The following SPATS2L variants were observed in gnomAD, a reference collection of about 807,000 sequenced individuals.
SPATS2L encodes the protein SPATS2-like protein.
A neutral mutation model predicts 59.6 loss-of-function variants in SPATS2L; 30 were observed. The observed-to-expected ratio is 0.50, with a 90% CI of 0.38 to 0.68. The LOEUF (loss-of-function observed/expected upper bound fraction) is 0.68, where lower values mean the gene tolerates loss of function less well. Among genes scored for constraint, SPATS2L ranks in the 30% least tolerant of loss-of-function variants. SPATS2L has a pLI of 0.00. For synonymous variants in SPATS2L, 252 were observed against 263.5 expected (o/e 0.96, Z 0.42); for missense variants, 615 against 700.0 (o/e 0.88, Z 1.37).
Position 200,306,788 on chromosome 2 carries a change from G to C in SPATS2L, c.-207G>C. ...GCGGGGCGAGCTCCGGACGGCGCGCGGCCCAGGCAGCGGCTCCCGCTCGGC... is the reference window on the plus strand; with the variant it reads ...GCGGGGCGAGCTCCGGACGGCGCGCCGCCCAGGCAGCGGCTCCCGCTCGGC... On this transcript the variant is annotated 5_prime_UTR_variant, in exon 1 of 13. Transcript: ENST00000409140. 1.0e-6 allele frequency: 1 copy of C among 981,300 alleles called. No individual in the cohort carries two copies. The highest frequency in any genetic ancestry group is 1.2e-6 in the Non-Finnish European group (1 of 828,092). The allele number at this position is 981,300 out of a possible 1,614,324, so 60.8% of individuals were successfully genotyped here. A position where few individuals can be genotyped will look rare whatever the true frequency, so the allele number is the denominator to read the frequency against.
At chr2:200,369,190 G>A (rs771747974) in intron 2 of SPATS2L, among the ~76,000 whole-genome samples, 43 of 151,774 alleles carry the variant, frequency 2.8e-4, no homozygotes, top group African/African-American at 9.9e-4. Context: ...ACAGAGACTC[G>A]CTTTGTCACC....
intron 2 of SPATS2L, among the ~76,000 whole-genome samples, chr2:200,387,512 G>T (rs984652030): frequency 6.0e-4 from 91 of 152,322 alleles, no homozygotes; most frequent in Middle Eastern, 3.4e-3. Flanking sequence ...AGAATAATTT[G>T]AGTAGTAATA....
chr2:200,403,923 A>G (rs2082610635), intron 3 of SPATS2L, among the ~76,000 whole-genome samples: 1 of 152,120 alleles, frequency 6.6e-6, no homozygotes, highest in Admixed American at 6.5e-5. Context: ...TAAAACTCTC[A>G]CGCAGAGGAA....
At chr2:200,426,807 T>C (rs958445358) in intron 6 of SPATS2L, among the ~76,000 whole-genome samples, 2 of 152,246 alleles carry the variant, frequency 1.3e-5, no homozygotes, top group African/African-American at 2.4e-5. Context: ...TTGGTATTAA[T>C]TCCCATTTAC....
chr2:200,340,162 C>T (rs1377290176), intron 2 of SPATS2L, among the ~76,000 whole-genome samples: 1 of 152,216 alleles, frequency 6.6e-6, no homozygotes, highest in Admixed American at 6.5e-5. Context: ...GCTGAGCAAT[C>T]GCTCATCCTT....
intron 11 of SPATS2L, among the ~76,000 whole-genome samples, 194 bp from the exon 12 acceptor site, chr2:200,472,638 T>C (rs1048024836): frequency 3.9e-5 from 6 of 152,238 alleles, no homozygotes; most frequent in African/African-American, 1.4e-4. Context: ...AGTTCAGTGA[T>C]TCCCACAAAA....
chr2:200,463,679 C>T (rs1299688841), intron 9 of SPATS2L, among the ~76,000 whole-genome samples: 1 of 152,142 alleles, frequency 6.6e-6, no homozygotes, highest in African/African-American at 2.4e-5. Flanking sequence ...TGTTTATACC[C>T]ACATAAGCAC....
intron 2 of SPATS2L, among the ~76,000 whole-genome samples, chr2:200,362,922 C>T (rs1574496303): frequency 6.6e-6 from 1 of 152,136 alleles, no homozygotes; most frequent in East Asian, 1.9e-4. Flanking sequence ...AAGCCTAACC[C>T]CCAGGAATAT....
At chr2:200,317,084 G>A (rs967963870) in intron 1 of SPATS2L, among the ~76,000 whole-genome samples, 1 of 152,104 alleles carries the variant, frequency 6.6e-6, no homozygotes. Flanking sequence ...TTTATGTTGT[G>A]GTTTCAGAAT....
chr2:200,323,816 G>T (rs2079641106), intron 1 of SPATS2L, among the ~76,000 whole-genome samples: 1 of 152,184 alleles, frequency 6.6e-6, no homozygotes, highest in Non-Finnish European at 1.5e-5. Flanking sequence ...AAGGCTCAGA[G>T]AAAAAGACTA....
chr2:200,477,515 T>TTAAAAAAAAAAAAAAAA (rs2087629300), intron 12 of SPATS2L, 121 bp from the exon 13 acceptor site: 1 of 268,514 alleles, frequency 3.7e-6, no homozygotes, highest in Non-Finnish European at 5.9e-6. Flanking sequence ...TTCTGGTGTA[T>TTAAAAAAAAAAAAAAAA]AAAAAAAAAA....
rs2084527852 is a variant in SPATS2L at position 200,439,345 on chromosome 2, T to C, written c.652+17T>C. 2 of 1,597,296 alleles carry C rather than the reference T, an allele frequency of 1.3e-6. No homozygotes were observed. On this transcript the variant is annotated intron_variant, in intron 7 of 12. Coordinates refer to ENST00000409140, the MANE Select transcript of SPATS2L (RefSeq NM_001100423.2). ...AGAAAAGAGGTAAAGTGATTTCTTTTGCACAAATGATTCAACATATTTTGC... is the reference window on the plus strand; with the variant it reads ...AGAAAAGAGGTAAAGTGATTTCTTTCGCACAAATGATTCAACATATTTTGC...
intron 2 of SPATS2L, among the ~76,000 whole-genome samples, chr2:200,384,411 TG>T (rs1489606282): frequency 1.3e-5 from 2 of 152,218 alleles, no homozygotes; most frequent in African/African-American, 4.8e-5. Flanking sequence ...TGGAGTGCAG[TG>T]GCGCAATCTC....
intron 8 of SPATS2L, among the ~76,000 whole-genome samples, chr2:200,445,986 G>A (rs565756114): frequency 6.6e-6 from 1 of 152,224 alleles, no homozygotes; most frequent in Admixed American, 6.5e-5. Flanking sequence ...AACTCTTAGA[G>A]CTTTATAGTC....
intron 2 of SPATS2L, among the ~76,000 whole-genome samples, chr2:200,379,496 A>G (rs774920329): frequency 1.2e-4 from 18 of 152,230 alleles, no homozygotes; most frequent in Admixed American, 3.3e-4. Context: ...AAATTATAAG[A>G]AAAAACATTG....
chr2:200,396,033 A>AAT (rs1553520465), intron 3 of SPATS2L, among the ~76,000 whole-genome samples: 145 of 21,120 alleles, frequency 6.9e-3, no homozygotes, highest in East Asian at 0.016. Context: ...AAAAAAAAAA[A>AAT]ATATATATAT....
chr2:200,461,897 A>G (rs1403657848), intron 9 of SPATS2L, among the ~76,000 whole-genome samples: 1 of 152,252 alleles, frequency 6.6e-6, no homozygotes, highest in Non-Finnish European at 1.5e-5. Flanking sequence ...AGGCATCTAA[A>G]TAATTGTAAG....
At chr2:200,474,431 AG>A (rs1248874103) in intron 12 of SPATS2L, among the ~76,000 whole-genome samples, 2 of 151,756 alleles carry the variant, frequency 1.3e-5, no homozygotes, top group Admixed American at 1.3e-4. Flanking sequence ...CTCAGCCTGC[AG>A]GGTAGCTGGG....
chr2:200,324,523 C>T (rs2079668209), intron 1 of SPATS2L, among the ~76,000 whole-genome samples: 1 of 152,128 alleles, frequency 6.6e-6, no homozygotes, highest in Admixed American at 6.5e-5. Context: ...TTTCATTGAG[C>T]TCATCAGCTA....
Sources: gnomAD v4.1 joint callset for allele counts (sites outside exome capture counted in the v4.1 genomes callset) on GRCh38, gnomAD v4.1.1 for gene constraint, MANE v1.5 for transcripts, NCBI Gene and HGNC (gene_info 2026-07-23, HGNC 2026-07-21) for gene names.